Variants in TNFSF10 observed in about 807,000 individuals in gnomAD.
The protein encoded by TNFSF10 is tumor necrosis factor ligand superfamily member 10.
In TNFSF10, 13 loss-of-function variants were observed where a neutral mutation model predicts 29.5. The observed-to-expected ratio is 0.44, with a 90% CI of 0.29 to 0.70. TNFSF10 has a LOEUF of 0.70. TNFSF10 is among the 30% of genes least tolerant of loss of function. TNFSF10 has a pLI of 0.13. For synonymous variants in TNFSF10, 111 were observed against 112.8 expected (o/e 0.98, Z 0.10); for missense variants, 345 against 330.9 (o/e 1.04, Z -0.33).
chr3:172,514,373 CTTCCT>C (rs1713347999), intron 2 of TNFSF10, among the ~76,000 whole-genome samples: 2 of 152,318 alleles, frequency 1.3e-5, no homozygotes, highest in African/African-American at 4.8e-5. Flanking sequence ...CTTCCCTTCC[CTTCCT>C]TTCCTCTTTC....
intron 1 of TNFSF10, among the ~76,000 whole-genome samples, chr3:172,516,446 T>C (rs754699226): frequency 7.2e-5 from 11 of 152,168 alleles, no homozygotes; most frequent in Non-Finnish European, 1.2e-4. Flanking sequence ...TAACTGTTTA[T>C]GAGAGGTCCC....
At position 172,511,597 on chromosome 3, in the gene TNFSF10, A is replaced by G; in HGVS notation, c.313+20T>C. 2 of 1,595,214 alleles carry G rather than the reference A, an allele frequency of 1.3e-6. No individual in the cohort carries two copies. The highest frequency in any genetic ancestry group is 8.5e-7 in the Non-Finnish European group (1 of 1,171,778). The stretch of plus-strand genomic sequence containing the variant: ...GAAGATGACAGTAAAAAATTAAAAT[A>G]ACAACAAAAAAGATACTACCTTGAA... On this transcript the variant is annotated intron_variant, in intron 3 of 4. Transcript: ENST00000241261.
chr3:172,506,109 T>TAC lies in TNFSF10; in HGVS notation c.*381_*382dup, dbSNP rs1348334393. The TAC allele has an allele frequency of 5.9e-6, 1 of 169,300 alleles. No homozygotes were observed. The highest frequency in any genetic ancestry group is 1.3e-5 in the Non-Finnish European group (1 of 79,830). The allele number at this position is 169,300 out of a possible 1,614,324, so 10.5% of individuals were successfully genotyped here. ...GGAAACCTGGAGGCTACTACTGTGA[T>TAC]ACACTACTTGAGAGATGGATTGTTG... is the stretch of plus-strand genomic sequence containing the variant. On this transcript the variant is annotated 3_prime_UTR_variant, in exon 5 of 5. Transcript: ENST00000241261.
chr3:172,522,573 T>C, intron 1 of TNFSF10: 1 of 497,692 alleles, frequency 2.0e-6, no homozygotes, highest in Non-Finnish European at 3.7e-6. Context: ...TATTCATGGC[T>C]ACAGTGTAAG....
chr3:172,512,519 G>T (rs923120865), intron 2 of TNFSF10, among the ~76,000 whole-genome samples: 10 of 152,206 alleles, frequency 6.6e-5, no homozygotes, highest in African/African-American at 1.2e-4. Context: ...CAAAGCAGAA[G>T]CTCTCTGCTT....
At chr3:172,518,450 A>G in intron 1 of TNFSF10, 1 of 1,289,386 alleles carries the variant, frequency 7.8e-7, no homozygotes, top group Non-Finnish European at 1.0e-6. Flanking sequence ...AGTCTCTGGC[A>G]ATCATTTTCT....
intron 1 of TNFSF10, chr3:172,518,567 A>G: frequency 6.3e-6 from 6 of 949,840 alleles, no homozygotes; most frequent in Non-Finnish European, 8.7e-6. Context: ...CCATTCCTTT[A>G]TCATAAAACT....
chr3:172,509,988 A>AG (rs1713158379), intron 3 of TNFSF10, among the ~76,000 whole-genome samples: 1 of 151,034 alleles, frequency 6.6e-6, no homozygotes, highest in Non-Finnish European at 1.5e-5. Flanking sequence ...AAAAAAAAAA[A>AG]AAAAAAAAGA....
chr3:172,523,256 C>A lies in TNFSF10; in HGVS notation c.129G>T (p.Lys43Asn). 6.2e-7 allele frequency: 1 copy of A among 1,613,584 alleles called. No individual in the cohort carries two copies. Among genetic ancestry groups the A allele is most frequent in the Non-Finnish European group, 8.5e-7 (1 of 1,179,626 alleles). Residue 43 changes from lysine (K) to asparagine (N), a missense_variant, in exon 1 of 5, where the codon AAG becomes AAT. Transcript: ENST00000241261. ...VTYVYFTNEL[K>N]QMQDKYSKSG... ...GAGTGCACTGCACTGCACTGACCTG[C>A]TTCAGCTCGTTGGTAAAGTACACGT... is the stretch of plus-strand genomic sequence containing the variant.
In TNFSF10 at chr3:172,515,015, T is replaced by C; in HGVS notation, c.133-17A>G. 6.2e-7 allele frequency: 1 copy of C among 1,613,506 alleles called. No individual in the cohort carries two copies. The highest frequency in any genetic ancestry group is 8.5e-7 in the Non-Finnish European group (1 of 1,179,882). The stretch of plus-strand genomic sequence containing the variant: ...GTCCTGCATCTGGGTTGAGATGGAA[T>C]ATAACACAATATTTTGCATAAGTGC... On this transcript the variant is annotated splice_polypyrimidine_tract_variant and intron_variant, in intron 1 of 4. Coordinates refer to ENST00000241261, the MANE Select transcript of TNFSF10 (RefSeq NM_003810.4).
At chr3:172,511,833 G>A (rs1713238291) in intron 2 of TNFSF10, among the ~76,000 whole-genome samples, 174 bp from the exon 3 acceptor site, 1 of 152,186 alleles carries the variant, frequency 6.6e-6, no homozygotes, top group Non-Finnish European at 1.5e-5. Flanking sequence ...TGGGAGCTGG[G>A]ATAAATATTG....
chr3:172,520,719 G>A (rs186716381), intron 1 of TNFSF10, among the ~76,000 whole-genome samples: 57 of 152,312 alleles, frequency 3.7e-4, no homozygotes, highest in Non-Finnish European at 6.8e-4. Flanking sequence ...ATGAGCAGAA[G>A]CAGACACAGC....
At position 172,523,321 on chromosome 3, in the gene TNFSF10, A is replaced by G. The variant is rs1178017745; in HGVS notation, c.64T>C (p.Phe22Leu). 1 of 1,614,020 alleles carries G rather than the reference A, an allele frequency of 6.2e-7. No individual in the cohort carries two copies. The highest frequency in any genetic ancestry group is 8.5e-7 in the Non-Finnish European group (1 of 1,179,968). Residue 22 changes from phenylalanine to leucine, a missense_variant, in exon 1 of 5, where the codon TTC (phenylalanine) becomes CTC (leucine). Transcript: ENST00000241261. ...CAGAGAGACTGCAGGAGCACTGTGA[A>G]GATCACGATCAGCACGCAGGTCTGT... ...LGQTCVLIVI[F>L]TVLLQSLCVA...
rs1008780272 is a variant in TNFSF10, at chr3:172,506,213, G to C, written c.*279C>G. 5 of 369,172 alleles carry C rather than the reference G, an allele frequency of 1.4e-5. No individual in the cohort carries two copies. Among genetic ancestry groups the C allele is most frequent in the Non-Finnish European group, 2.4e-5 (5 of 206,474 alleles). 22.9% of individuals were successfully genotyped at this position (369,172 alleles called of 1,614,324 possible). ...ACCATTGCATTAATGTTTGGAAGCT[G>C]ACAGTCTTCTAGATTTCTGCTAGCA... On this transcript the variant is annotated 3_prime_UTR_variant, in exon 5 of 5. Transcript: ENST00000241261.
chr3:172,506,490 A>T lies in TNFSF10; in HGVS notation c.*2T>A. The T allele has an allele frequency of 6.3e-7, 1 of 1,598,474 alleles. No individual in the cohort carries two copies. The highest frequency in any genetic ancestry group is 2.2e-5 in the East Asian group (1 of 44,802). ...GGTTATTGCTTTTTCTTTCCAGGTCAGTTAGCCAACTAAAAAGGCCCCAAA... is the reference window on the plus strand; with the variant it reads ...GGTTATTGCTTTTTCTTTCCAGGTCTGTTAGCCAACTAAAAAGGCCCCAAA... On this transcript the variant is annotated 3_prime_UTR_variant, in exon 5 of 5. Coordinates refer to ENST00000241261, the MANE Select transcript of TNFSF10 (RefSeq NM_003810.4).
chr3:172,506,421 C>G lies in TNFSF10; in HGVS notation c.*71G>C. 3 of 1,481,334 alleles carry G rather than the reference C, an allele frequency of 2.0e-6. No homozygotes were observed. Among genetic ancestry groups the G allele is most frequent in the Non-Finnish European group, 2.7e-6 (3 of 1,107,458 alleles). The allele number at this position is 1,481,334 out of a possible 1,614,324, so 91.8% of individuals were successfully genotyped here. A position where few individuals can be genotyped will look rare whatever the true frequency, so the allele number is the denominator to read the frequency against. On this transcript the variant is annotated 3_prime_UTR_variant, in exon 5 of 5. Transcript: ENST00000241261. Reference sequence around the variant, plus strand: ...TTTGTTTTGGTCAGATTTTTTGAAACATCTTCATAGTGTATCATCCTGAAA... The same window carrying G: ...TTTGTTTTGGTCAGATTTTTTGAAAGATCTTCATAGTGTATCATCCTGAAA...
chr3:172,510,920 A>G (rs573009209), intron 3 of TNFSF10, among the ~76,000 whole-genome samples: 25 of 152,372 alleles, frequency 1.6e-4, no homozygotes, highest in Non-Finnish European at 3.1e-4. Flanking sequence ...TGAACAAGGT[A>G]CATGTGATAA....
Position 172,518,570 on chromosome 3 carries a change from A to C in TNFSF10, c.133-3572T>G. ...CACAGTGACAGGCCATTCCTTTATC[A>C]TAAAACTTTCTCAGAGGGACACAGA... On this transcript the variant is annotated intron_variant, in intron 1 of 4. Transcript: ENST00000241261. 4.2e-6 allele frequency: 4 copies of C among 942,730 alleles called. No individual in the cohort carries two copies. In the South Asian group the frequency reaches 5.8e-5, roughly 14 times the overall value. 58.4% of individuals were successfully genotyped at this position (942,730 alleles called of 1,614,324 possible). A position where few individuals can be genotyped will look rare whatever the true frequency, so the allele number is the denominator to read the frequency against.
At chr3:172,509,785 T>C (rs1232904413) in intron 3 of TNFSF10, among the ~76,000 whole-genome samples, 1 of 152,092 alleles carries the variant, frequency 6.6e-6, no homozygotes, top group African/African-American at 2.4e-5. Flanking sequence ...GAGACTATCC[T>C]GGCTAACACG....
Sources: gnomAD v4.1 joint callset for allele counts (sites outside exome capture counted in the v4.1 genomes callset) on GRCh38, gnomAD v4.1.1 for gene constraint, MANE v1.5 for transcripts, NCBI Gene and HGNC (gene_info 2026-07-23, HGNC 2026-07-21) for gene names.